The following RASSF4 variants were observed in gnomAD, a reference collection of about 807,000 sequenced individuals.
RASSF4 encodes the protein ras association domain-containing protein 4.
A neutral mutation model predicts 41.1 loss-of-function variants in RASSF4; 38 were observed. The ratio of observed to expected loss-of-function variants is 0.92; its 90% confidence interval spans 0.71 to 1.21. RASSF4 has a LOEUF of 1.21. Among genes scored for constraint, RASSF4 ranks in the 50% most tolerant of loss-of-function variants. The probability of loss-of-function intolerance (pLI) is 0.00; values close to 1 mark genes in which losing one functional copy is unlikely to be tolerated. For missense variants in RASSF4, 414 were observed against 419.4 expected (o/e 0.99, Z 0.11); for synonymous variants, 179 against 163.4 (o/e 1.10, Z -0.73).
chr10:44,989,787 C>A, intron 8 of RASSF4, 66 bp downstream of exon 8: 1 of 1,373,332 alleles, frequency 7.3e-7, no homozygotes, highest in Non-Finnish European at 1.0e-6. Context: ...CAAGCCCCCT[C>A]CCCACCAACC....
rs141041264 is a variant in RASSF4 at position 44,991,934 on chromosome 10, G to T, written c.837G>T (p.Pro279=). The change falls in exon 10 of 11, where the codon CCG becomes CCT. Residue 279 remains proline, a synonymous_variant. Transcript: ENST00000340258. ...CTCAGTACATTAAGTTTGAAATGCCGGTGCTGGACAGTTTTGTTGAAAAAT... is the reference window on the plus strand; with the variant it reads ...CTCAGTACATTAAGTTTGAAATGCCTGTGCTGGACAGTTTTGTTGAAAAAT... The part of the protein sequence containing the change: ...EVAQYIKFEM[P]VLDSFVEKLK... The T allele has an allele frequency of 1.9e-6, 3 of 1,613,140 alleles. No individual in the cohort carries two copies. Among genetic ancestry groups the T allele is most frequent in the South Asian group, 1.1e-5 (1 of 91,024 alleles).
intron 1 of RASSF4, among the ~76,000 whole-genome samples, chr10:44,966,221 A>C (rs552751553): frequency 3.3e-5 from 5 of 152,340 alleles, no homozygotes; most frequent in Admixed American, 1.3e-4. Flanking sequence ...CTCTTTAGGA[A>C]GCATTTTCTA....
intron 3 of RASSF4, chr10:44,982,238 C>T: frequency 2.1e-6 from 1 of 475,852 alleles, no homozygotes; most frequent in East Asian, 4.3e-5. Context: ...GTGGACGTGC[C>T]TGCCGGCCAG....
chr10:44,978,334 AC>A, intron 3 of RASSF4: 1 of 337,640 alleles, frequency 3.0e-6, no homozygotes, highest in Non-Finnish European at 5.4e-6. Context: ...TGGGTTTAAA[AC>A]CAGGATCGGC....
chr10:44,976,166 T>C (rs1214591355), intron 3 of RASSF4: 1 of 152,146 alleles, frequency 6.6e-6, no homozygotes, highest in Non-Finnish European at 1.5e-5. Context: ...TGCTCATAAA[T>C]GCAGCTCCAA....
chr10:44,989,457 C>T, intron 7 of RASSF4, 82 bp downstream of exon 7: 1 of 1,102,348 alleles, frequency 9.1e-7, no homozygotes, highest in Non-Finnish European at 1.4e-6. Context: ...GGGAAAGCTG[C>T]CCGTGGCAGA....
chr10:44,962,165 G>A (rs1301991186), intron 1 of RASSF4, among the ~76,000 whole-genome samples: 2 of 152,184 alleles, frequency 1.3e-5, no homozygotes, highest in African/African-American at 2.4e-5. Context: ...CCCAAGAGAC[G>A]GCGCAACACG....
rs535261137 is a variant in RASSF4, at chr10:44,993,632, C to G, written c.*303C>G. The G allele has an allele frequency of 2.7e-6, 1 of 364,734 alleles. No individual in the cohort carries two copies. Among genetic ancestry groups the G allele is most frequent in the African/African-American group, 2.0e-5 (1 of 50,036 alleles). The allele number at this position is 364,734 out of a possible 1,614,324, so 22.6% of individuals were successfully genotyped here. On this transcript the variant is annotated 3_prime_UTR_variant, in exon 11 of 11. Transcript: ENST00000340258. Reference sequence around the variant, plus strand: ...CTGGAGAGCAGTGCTGGCCCAGCCCCTGCGGCTTAGGCTTCATCTGCTTGC... The same window carrying G: ...CTGGAGAGCAGTGCTGGCCCAGCCCGTGCGGCTTAGGCTTCATCTGCTTGC...
chr10:44,977,834 G>T (rs1467856635), intron 3 of RASSF4: 3 of 1,605,936 alleles, frequency 1.9e-6, no homozygotes, highest in Non-Finnish European at 1.7e-6. Flanking sequence ...TGGCCTGTGG[G>T]GTGGCCTGGG....
At chr10:44,977,889 C>T (rs772347677) in intron 3 of RASSF4, 5 of 1,612,284 alleles carry the variant, frequency 3.1e-6, no homozygotes, top group Non-Finnish European at 4.2e-6. Flanking sequence ...GTGGGCTGTG[C>T]CAGTCGAGAT....
Position 44,971,780 on chromosome 10 carries a change from C to G in RASSF4, c.70C>G (p.Leu24Val). 6.2e-7 allele frequency: 1 copy of G among 1,613,876 alleles called. No individual in the cohort carries two copies. Among genetic ancestry groups the G allele is most frequent in the Non-Finnish European group, 8.5e-7 (1 of 1,179,766 alleles). ...GTGTCTTTCCCTTTTTAGGTCGGAG[C>G]TCTTAGGCCTGCTGAAAACCTACAA... ...SDSKSIQKSE[L>V]LGLLKTYNCY... The change falls in exon 3 of 11, where the codon CTC (leucine) becomes GTC (valine). Residue 24 changes from leucine to valine, a missense_variant. Coordinates refer to ENST00000340258, the MANE Select transcript of RASSF4 (RefSeq NM_032023.4).
intron 1 of RASSF4, among the ~76,000 whole-genome samples, chr10:44,969,114 G>T (rs1344821724): frequency 2.0e-4 from 29 of 148,300 alleles, no homozygotes; most frequent in South Asian, 4.3e-4. Flanking sequence ...GTTTTTGTGT[G>T]TGTGTGTGTG....
chr10:44,965,974 G>C (rs1004344620), intron 1 of RASSF4, among the ~76,000 whole-genome samples: 2 of 152,200 alleles, frequency 1.3e-5, no homozygotes, highest in Admixed American at 1.3e-4. Context: ...CAGTGAGGGA[G>C]AACCATGCTT....
intron 10 of RASSF4, 64 bp from the exon 11 acceptor site, chr10:44,993,205 T>C: frequency 6.9e-7 from 1 of 1,446,980 alleles, no homozygotes; most frequent in South Asian, 1.2e-5. Flanking sequence ...GGTCCCTTGC[T>C]CTGCTGCCCA....
At chr10:44,977,683 C>G in intron 3 of RASSF4, 1 of 1,612,858 alleles carries the variant, frequency 6.2e-7, no homozygotes. Flanking sequence ...TCTGGCTTGG[C>G]TGCTTTTCCT....
At chr10:44,979,228 C>T (rs1841597359) in intron 3 of RASSF4, among the ~76,000 whole-genome samples, 1 of 152,182 alleles carries the variant, frequency 6.6e-6, no homozygotes, top group Non-Finnish European at 1.5e-5. Context: ...GGCTGGGTCC[C>T]TAGGCCTGCT....
intron 6 of RASSF4, among the ~76,000 whole-genome samples, 170 bp from the exon 7 acceptor site, chr10:44,989,104 G>A (rs952109318): frequency 2.0e-5 from 3 of 152,188 alleles, no homozygotes; most frequent in African/African-American, 4.8e-5. Context: ...ACAGCTTCCC[G>A]GAGTGTCTCC....
At chr10:44,966,586 A>C (rs375038942) in intron 1 of RASSF4, among the ~76,000 whole-genome samples, 117 of 152,352 alleles carry the variant, frequency 7.7e-4, no homozygotes, top group African/African-American at 2.7e-3. Flanking sequence ...TGCAATATCC[A>C]AGAAGATTCC....
At chr10:44,968,498 C>T (rs1377939717) in intron 1 of RASSF4, among the ~76,000 whole-genome samples, 2 of 152,140 alleles carry the variant, frequency 1.3e-5, no homozygotes, top group African/African-American at 4.8e-5. Context: ...CATCAGGAAG[C>T]CCACTCCCTC....
Sources: allele counts gnomAD v4.1 joint callset (sites outside exome capture counted in the v4.1 genomes callset), GRCh38; gene constraint gnomAD v4.1.1; transcripts MANE v1.5; gene names NCBI Gene and HGNC (gene_info 2026-07-23, HGNC 2026-07-21).